PTPRD: variants seen among roughly 807,000 people sequenced by gnomAD.
PTPRD encodes protein tyrosine phosphatase receptor type D.
In PTPRD, 34 loss-of-function variants were observed where a neutral mutation model predicts 214.5. The observed-to-expected ratio is 0.16, with a 90% CI of 0.12 to 0.21. The LOEUF (loss-of-function observed/expected upper bound fraction) is 0.21, where lower values mean the gene tolerates loss of function less well. Among genes scored for constraint, PTPRD ranks in the 10% least tolerant of loss-of-function variants. The pLI, the probability that PTPRD is intolerant of heterozygous loss-of-function variation, is 1.00. For synonymous variants in PTPRD, 1,128 were observed against 845.7 expected (o/e 1.33, Z -5.79); for missense variants, 2,545 against 2,398.7 (o/e 1.06, Z -1.27).
At chr9:9,734,894 T>C (rs911454797) in intron 6 of PTPRD, among the ~76,000 whole-genome samples, 2 of 152,152 alleles carry the variant, frequency 1.3e-5, no homozygotes, top group Admixed American at 1.3e-4. Context: ...TTAAATGCAC[T>C]TGAAATTCTC....
At chr9:8,348,395 G>T (rs978637927) in intron 39 of PTPRD, among the ~76,000 whole-genome samples, 2 of 152,004 alleles carry the variant, frequency 1.3e-5, no homozygotes, top group Non-Finnish European at 2.9e-5. Context: ...ACCCTTTGTG[G>T]GTTTCTTTTT....
chr9:8,392,948 A>C (rs1156433955), intron 36 of PTPRD, among the ~76,000 whole-genome samples: 1 of 152,198 alleles, frequency 6.6e-6, no homozygotes, highest in Non-Finnish European at 1.5e-5. Context: ...GTTAATCAGC[A>C]GTCCATTTCA....
chr9:9,914,601 G>C (rs564267105), intron 5 of PTPRD, among the ~76,000 whole-genome samples: 142 of 152,196 alleles, frequency 9.3e-4, no homozygotes, highest in Non-Finnish European at 1.4e-3. Context: ...CCTGCGTTCC[G>C]AGTACGTGTT....
At chr9:9,622,731 C>A (rs1427803047) in intron 7 of PTPRD, among the ~76,000 whole-genome samples, 1 of 152,118 alleles carries the variant, frequency 6.6e-6, no homozygotes, top group Non-Finnish European at 1.5e-5. Context: ...AGGCAAGGAG[C>A]ATTTTTAAAG....
intron 12 of PTPRD, among the ~76,000 whole-genome samples, chr9:8,647,419 G>A (rs1432425454): frequency 4.6e-5 from 7 of 151,942 alleles, no homozygotes; most frequent in East Asian, 1.9e-4. Flanking sequence ...AGGTTATATC[G>A]TACCATTATT....
chr9:9,034,469 A>G (rs2099615329), intron 10 of PTPRD, among the ~76,000 whole-genome samples: 1 of 152,170 alleles, frequency 6.6e-6, no homozygotes, highest in East Asian at 1.9e-4. Context: ...GTGAACATCA[A>G]ATGAAACTAT....
intron 8 of PTPRD, among the ~76,000 whole-genome samples, chr9:9,405,922 G>A (rs2073125965): frequency 6.6e-6 from 1 of 151,786 alleles, no homozygotes; most frequent in African/African-American, 2.4e-5. Context: ...CTAGAGCTTT[G>A]CATATTTTCT....
chr9:10,221,834 G>A lies in PTPRD; in HGVS notation c.-545+119129C>T, dbSNP rs185538404. On this transcript the variant is annotated intron_variant, in intron 3 of 45. Transcript: ENST00000381196. Reference sequence around the variant, plus strand: ...TACCTGCTATATCATTATAATACAAGCACTTGTGAAAGCAAACATTGAGTA... The same window carrying A: ...TACCTGCTATATCATTATAATACAAACACTTGTGAAAGCAAACATTGAGTA... 4.8e-3 allele frequency among the ~76,000 whole-genome samples: 722 copies of A among 151,384 alleles called. 5 individuals carry two copies. Among genetic ancestry groups the A allele is most frequent in the Non-Finnish European group, 7.8e-3 (529 of 67,842 alleles).
intron 14 of PTPRD, among the ~76,000 whole-genome samples, chr9:8,589,002 T>A (rs932420098): frequency 6.6e-6 from 1 of 152,072 alleles, no homozygotes; most frequent in African/African-American, 2.4e-5. Context: ...ATATAAATAA[T>A]GTGAAATCCC....
intron 3 of PTPRD, among the ~76,000 whole-genome samples, chr9:10,081,155 GAAAT>G (rs1265199158): frequency 1.3e-5 from 2 of 151,572 alleles, no homozygotes; most frequent in Non-Finnish European, 2.9e-5. Flanking sequence ...ATAATTCTTT[GAAAT>G]AAATATTAAT....
intron 2 of PTPRD, among the ~76,000 whole-genome samples, chr9:10,433,516 T>C (rs1329697921): frequency 6.6e-6 from 1 of 151,972 alleles, no homozygotes; most frequent in African/African-American, 2.4e-5. Context: ...ACAGCATTAT[T>C]ATTCTGATTC....
At chr9:9,091,055 T>C in intron 10 of PTPRD, 1 of 1,528,352 alleles carries the variant, frequency 6.5e-7, no homozygotes, top group South Asian at 1.1e-5. Flanking sequence ...GTCAGGGACA[T>C]TTCTGAAGCG....
At chr9:10,201,245 T>A (rs1012470432) in intron 3 of PTPRD, among the ~76,000 whole-genome samples, 2 of 152,020 alleles carry the variant, frequency 1.3e-5, no homozygotes. Flanking sequence ...CATAAAGGTG[T>A]GAAACATTGA....
chr9:8,329,993 G>C (rs2131468490), intron 44 of PTPRD, among the ~76,000 whole-genome samples: 1 of 149,444 alleles, frequency 6.7e-6, no homozygotes, highest in South Asian at 2.1e-4. Flanking sequence ...GTGGGGGTGG[G>C]ACACACCAAG....
chr9:9,496,904 A>G lies in PTPRD; in HGVS notation c.-237+77828T>C, dbSNP rs186168100. Among the ~76,000 whole-genome samples the G allele has an allele frequency of 2.5e-3, 386 of 152,312 alleles. 5 individuals carry two copies. Among genetic ancestry groups the G allele is most frequent in the African/African-American group, 8.0e-3 (334 of 41,566 alleles). Reference sequence around the variant, plus strand: ...ACGTGGTTTATACATAAAATAGAATATCATTCAGCCTTAAAAAGGAAGGAA... The same window carrying G: ...ACGTGGTTTATACATAAAATAGAATGTCATTCAGCCTTAAAAAGGAAGGAA... On this transcript the variant is annotated intron_variant, in intron 8 of 45. Coordinates refer to ENST00000381196, the MANE Select transcript of PTPRD (RefSeq NM_002839.4).
At chr9:9,780,177 A>G (rs1443082011) in intron 5 of PTPRD, among the ~76,000 whole-genome samples, 2 of 152,182 alleles carry the variant, frequency 1.3e-5, no homozygotes, top group Admixed American at 1.3e-4. Context: ...AATATTGCGT[A>G]TTCTCACTTA....
chr9:9,371,634 T>C (rs2059526614), intron 9 of PTPRD, among the ~76,000 whole-genome samples: 1 of 152,190 alleles, frequency 6.6e-6, no homozygotes, highest in African/African-American at 2.4e-5. Flanking sequence ...CTGATCTTAG[T>C]TATTTCTTGC....
intron 2 of PTPRD, among the ~76,000 whole-genome samples, chr9:10,556,420 AT>A (rs548045369): frequency 1.5e-3 from 223 of 152,154 alleles, no homozygotes; most frequent in African/African-American, 5.1e-3. Context: ...ACACTATATC[AT>A]TTTAGGTATA....
At chr9:9,064,327 C>T (rs1321713480) in intron 10 of PTPRD, among the ~76,000 whole-genome samples, 2 of 152,088 alleles carry the variant, frequency 1.3e-5, no homozygotes, top group African/African-American at 2.4e-5. Flanking sequence ...ATAGAATAGT[C>T]TGTTGGGTAA....
Sources: allele counts gnomAD v4.1 joint callset (sites outside exome capture counted in the v4.1 genomes callset), GRCh38; gene constraint gnomAD v4.1.1; transcripts MANE v1.5; gene names NCBI Gene and HGNC (gene_info 2026-07-23, HGNC 2026-07-21).